Variants in BEND7 observed in about 807,000 individuals in gnomAD.
The protein encoded by BEND7 is BEN domain containing 7.
Under a neutral mutation model 50.9 loss-of-function variants are expected in BEND7, and 28 were observed. That is an observed-to-expected ratio of 0.55 (90% CI 0.41 to 0.75). BEND7 has a LOEUF of 0.75. BEND7 is among the 30% of genes least tolerant of loss of function. The pLI, the probability that BEND7 is intolerant of heterozygous loss-of-function variation, is 0.00. For synonymous variants in BEND7, 170 were observed against 183.9 expected (o/e 0.92, Z 0.61); for missense variants, 477 against 491.3 (o/e 0.97, Z 0.28).
intron 7 of BEND7, among the ~76,000 whole-genome samples, chr10:13,450,572 G>C (rs1286086167): frequency 6.6e-6 from 1 of 152,160 alleles, no homozygotes; most frequent in African/African-American, 2.4e-5. Context: ...CTGCTTGTCA[G>C]GGTTGGTTTT....
chr10:13,490,762 A>T (rs1387343600), intron 5 of BEND7, among the ~76,000 whole-genome samples: 1 of 152,134 alleles, frequency 6.6e-6, no homozygotes, highest in Non-Finnish European at 1.5e-5. Context: ...CAGCTGTTCT[A>T]GCAACACTGG....
At chr10:13,440,073 C>A (rs11258385), downstream of BEND7, among the ~76,000 whole-genome samples, 2 of 151,948 alleles carry the variant, frequency 1.3e-5, no homozygotes, top group Middle Eastern at 3.2e-3. Context: ...GGGGGTTTGG[C>A]GGCTGGAGGA....
intron 5 of BEND7, among the ~76,000 whole-genome samples, chr10:13,486,964 G>C (rs962185701): frequency 2.6e-5 from 4 of 152,210 alleles, no homozygotes; most frequent in Non-Finnish European, 5.9e-5. Flanking sequence ...TGTCCACTCT[G>C]AGAGACTATC....
chr10:13,495,266 G>A (rs1049089722), intron 4 of BEND7, among the ~76,000 whole-genome samples: 1 of 152,164 alleles, frequency 6.6e-6, no homozygotes, highest in East Asian at 1.9e-4. Context: ...CCTCCTCCAG[G>A]TTAATAAGAA....
intron 4 of BEND7, among the ~76,000 whole-genome samples, chr10:13,495,523 G>A (rs939991065): frequency 5.3e-5 from 8 of 152,100 alleles, no homozygotes; most frequent in African/African-American, 9.7e-5. Flanking sequence ...TTAGCCAGGC[G>A]TGGTGGCACA....
chr10:13,477,874 C>T (rs865845194), intron 6 of BEND7, among the ~76,000 whole-genome samples: 10 of 152,320 alleles, frequency 6.6e-5, no homozygotes, highest in Middle Eastern at 6.8e-3. Context: ...TATGGAAATA[C>T]TGGTCTGTGT....
chr10:13,471,703 G>C (rs948259854), intron 6 of BEND7, among the ~76,000 whole-genome samples: 2 of 152,232 alleles, frequency 1.3e-5, no homozygotes, highest in Admixed American at 6.5e-5. Flanking sequence ...TTCAAAGAAT[G>C]AGGGCAGCTC....
rs115612558 is a variant in BEND7 at position 13,513,871 on chromosome 10, T to C, written c.145+12267A>G. The stretch of plus-strand genomic sequence containing the variant: ...CTCCTATTCTATGGTGGCATCTGGC[T>C]CTTGGGTCTGGCTGCACATGAGAAC... On this transcript the variant is annotated intron_variant, in intron 2 of 8. Transcript: ENST00000466271. Among the ~76,000 whole-genome samples, 346 of 152,328 alleles carry C rather than the reference T, an allele frequency of 2.3e-3. 1 individual carries two copies. The highest frequency in any genetic ancestry group is 8.2e-3 in the African/African-American group (339 of 41,574).
chr10:13,447,234 A>C, intron 8 of BEND7, 32 bp downstream of exon 8: 1 of 1,609,410 alleles, frequency 6.2e-7, no homozygotes, highest in Non-Finnish European at 8.5e-7. Context: ...ATTTTCCAGG[A>C]GGTGATGAAA....
At chr10:13,479,524 A>C (rs2075706250) in intron 6 of BEND7, among the ~76,000 whole-genome samples, 1 of 152,210 alleles carries the variant, frequency 6.6e-6, no homozygotes, top group Admixed American at 6.5e-5. Context: ...AAAAAAGAAA[A>C]TTAAAACAAT....
chr10:13,463,854 G>C (rs1307163821), intron 6 of BEND7, among the ~76,000 whole-genome samples: 2 of 152,168 alleles, frequency 1.3e-5, no homozygotes, highest in Non-Finnish European at 2.9e-5. Context: ...AAGTCAGTAA[G>C]AGAAGAACCA....
intron 1 of BEND7, chr10:13,527,755 A>T (rs2079525347): frequency 1.3e-6 from 1 of 789,346 alleles, no homozygotes; most frequent in African/African-American, 1.9e-5. Flanking sequence ...AGGAAGATAA[A>T]GACTCTTAAC....
At chr10:13,520,925 G>T (rs564291936) in intron 2 of BEND7, among the ~76,000 whole-genome samples, 1 of 152,300 alleles carries the variant, frequency 6.6e-6, no homozygotes, top group Middle Eastern at 3.4e-3. Context: ...AGAAGCCATC[G>T]GTATTTAAGT....
intron 7 of BEND7, among the ~76,000 whole-genome samples, chr10:13,452,120 G>A (rs1290080536): frequency 1.3e-5 from 2 of 152,168 alleles, no homozygotes; most frequent in Non-Finnish European, 2.9e-5. Flanking sequence ...CCTTTTACTT[G>A]ATGTGGTGTT....
rs552851236 is a variant in BEND7, at chr10:13,447,607, G to C, written c.1184-291C>G. Among the ~76,000 whole-genome samples, 8 of 139,070 alleles carry C rather than the reference G, an allele frequency of 5.8e-5. No homozygotes were observed. In the East Asian group the frequency reaches 1.3e-3, roughly 22 times the overall value. 91.2% of individuals were successfully genotyped at this position (139,070 alleles called of 152,430 possible). Reference sequence around the variant, plus strand: ...CGCCCAGGCTGGAGTGCAGTGGCGCGATCTCGGCTCACTACAAGCTCCGCC... The same window carrying C: ...CGCCCAGGCTGGAGTGCAGTGGCGCCATCTCGGCTCACTACAAGCTCCGCC... On this transcript the variant is annotated intron_variant, in intron 7 of 8. Coordinates refer to ENST00000466271, the MANE Select transcript of BEND7 (RefSeq NM_001369863.1).
chr10:13,477,396 C>T (rs548849263), intron 6 of BEND7, among the ~76,000 whole-genome samples: 1 of 152,254 alleles, frequency 6.6e-6, no homozygotes, highest in South Asian at 2.1e-4. Flanking sequence ...CAAGGATAGC[C>T]TTGGCACTAT....
downstream of BEND7, among the ~76,000 whole-genome samples, chr10:13,439,730 G>C (rs1835097983): frequency 6.6e-6 from 1 of 152,228 alleles, no homozygotes; most frequent in Admixed American, 6.5e-5. Flanking sequence ...CCTCTTCTTG[G>C]GATCCCTTGT....
Position 13,521,425 on chromosome 10 carries a change from G to A in BEND7, c.145+4713C>T, listed in dbSNP as rs114072689. Among the ~76,000 whole-genome samples the A allele has an allele frequency of 4.2e-3, 635 of 152,260 alleles. 9 individuals are homozygous for A. Among genetic ancestry groups the A allele is most frequent in the African/African-American group, 0.015 (610 of 41,546 alleles). ...TAGTGCTGGCACACAGCAAGCTCTG[G>A]GTAAATAACACTATTACTGGCCACG... On this transcript the variant is annotated intron_variant, in intron 2 of 8. Coordinates refer to ENST00000466271, the MANE Select transcript of BEND7 (RefSeq NM_001369863.1).
chr10:13,503,605 C>T (rs1009871915), intron 2 of BEND7, among the ~76,000 whole-genome samples: 5 of 152,118 alleles, frequency 3.3e-5, no homozygotes, highest in Admixed American at 6.5e-5. Flanking sequence ...TCCAGCTACT[C>T]GGAGGCTGAG....
Sources: gnomAD v4.1 joint callset for allele counts (sites outside exome capture counted in the v4.1 genomes callset) on GRCh38, gnomAD v4.1.1 for gene constraint, MANE v1.5 for transcripts, NCBI Gene and HGNC (gene_info 2026-07-23, HGNC 2026-07-21) for gene names.